CHRNA5: variants seen among roughly 807,000 people sequenced by gnomAD.
CHRNA5 encodes cholinergic receptor nicotinic alpha 5 subunit, also known as neuronal acetylcholine receptor subunit alpha-5.
CHRNA5 carries 28 observed loss-of-function variants against 41.2 expected under a neutral mutation model. That is an observed-to-expected ratio of 0.68 (90% CI 0.50 to 0.93). CHRNA5 has a LOEUF of 0.93. Ranked by LOEUF, CHRNA5 falls within the 40% of genes least tolerant of loss-of-function variation. CHRNA5 has a pLI of 0.00. For synonymous variants in CHRNA5, 188 were observed against 205.8 expected, an observed-to-expected ratio of 0.91 and a Z score of 0.74; for missense variants, 481 against 581.9, an observed-to-expected ratio of 0.83 and a Z score of 1.78.
chr15:78,575,360 T>G (rs957236153), intron 1 of CHRNA5, among the ~76,000 whole-genome samples: 1 of 152,238 alleles, frequency 6.6e-6, no homozygotes, highest in Admixed American at 6.5e-5. Flanking sequence ...TTAACTACTT[T>G]AGAAGAATTA....
At chr15:78,570,983 A>G (rs1318163013) in intron 1 of CHRNA5, among the ~76,000 whole-genome samples, 1 of 152,164 alleles carries the variant, frequency 6.6e-6, no homozygotes, top group Non-Finnish European at 1.5e-5. Flanking sequence ...CACATTTGCT[A>G]CCCCTTGAGA....
intron 1 of CHRNA5, among the ~76,000 whole-genome samples, chr15:78,574,135 CAG>C (rs1221640212): frequency 1.3e-5 from 2 of 151,160 alleles, no homozygotes; most frequent in African/African-American, 2.4e-5. Context: ...TTTAAATCCT[CAG>C]GGGGAGGCCA....
chr15:78,590,568 T>C, exon 5 of CHRNA5: 3 of 1,614,142 alleles, frequency 1.9e-6, no homozygotes, highest in Non-Finnish European at 2.5e-6. Context: ...TAGAAACACA[T>C]TGGAAGCTGC....
At chr15:78,570,550 G>C (rs951237005) in intron 1 of CHRNA5, among the ~76,000 whole-genome samples, 1 of 150,636 alleles carries the variant, frequency 6.6e-6, no homozygotes, top group Admixed American at 6.7e-5. Context: ...GATTACAGGT[G>C]TGAGCCACCA....
intron 2 of CHRNA5, among the ~76,000 whole-genome samples, chr15:78,585,791 C>CCTTTTT (rs1555415937): frequency 1.5e-5 from 2 of 130,612 alleles, no homozygotes; most frequent in African/African-American, 2.9e-5. Flanking sequence ...TCTTTTCTTT[C>CCTTTTT]TTTTTTTTTT....
In CHRNA5 at chr15:78,588,415, G is replaced by C; in HGVS notation, c.405G>C (p.Leu135Phe). The change falls in exon 4 of 6, where the codon TTG becomes TTC. Residue 135 changes from leucine to phenylalanine, a missense_variant. Transcript: ENST00000299565. This position sits in a 1 kb window ranked among gnomAD's most constrained non-coding sequence, Gnocchi z 4.1. The stretch of plus-strand genomic sequence containing the variant: ...CTGTCTGGACACCAGACATCGTTTT[G>C]TTTGATAAGTAAGTTATATTCTAAA... The C allele has an allele frequency of 6.8e-7, 1 of 1,463,022 alleles. No homozygotes were observed. Among genetic ancestry groups the C allele is most frequent in the East Asian group, 2.4e-5 (1 of 42,522 alleles). 90.6% of individuals were successfully genotyped at this position (1,463,022 alleles called of 1,614,324 possible). A position where few individuals can be genotyped will look rare whatever the true frequency, so the allele number is the denominator to read the frequency against.
chr15:78,584,966 C>T (rs1466505544), intron 2 of CHRNA5, among the ~76,000 whole-genome samples: 1 of 152,174 alleles, frequency 6.6e-6, no homozygotes, highest in East Asian at 1.9e-4. Flanking sequence ...GTCGCCTAGG[C>T]TGGAGTGCAG....
In CHRNA5 at chr15:78,588,455, TTCAAA is replaced by T; in HGVS notation, c.413+33_413+37del. On this transcript the variant is annotated intron_variant, in intron 4 of 5. Coordinates refer to ENST00000299565, the Ensembl canonical transcript of CHRNA5. The surrounding 1 kb of genome is among the most constrained non-coding windows in gnomAD (Gnocchi z 4.1). ...TATATTCTAAATATAGTTTTATATT[TTCAAA>T]AGAAAACATTTGTATTTCTATTAGG... 4 of 1,078,028 alleles carry T rather than the reference TTCAAA, an allele frequency of 3.7e-6. No homozygotes were observed. The highest frequency in any genetic ancestry group is 2.6e-6 in the Non-Finnish European group (2 of 763,836). The allele number at this position is 1,078,028 out of a possible 1,614,324, so 66.8% of individuals were successfully genotyped here. A position where few individuals can be genotyped will look rare whatever the true frequency, so the allele number is the denominator to read the frequency against.
chr15:78,570,448 TTA>T (rs1491262645), intron 1 of CHRNA5, among the ~76,000 whole-genome samples: 11 of 144,738 alleles, frequency 7.6e-5, no homozygotes, highest in South Asian at 2.2e-4. Flanking sequence ...TTTTTTTTTT[TTA>T]GTAAAGACAG....
At chr15:78,591,414 A>T (rs2053013457) in intron 5 of CHRNA5, 1 of 151,804 alleles carries the variant, frequency 6.6e-6, no homozygotes, top group South Asian at 2.1e-4. Flanking sequence ...AATGAGCCTA[A>T]TGTGGAATTT....
At chr15:78,585,784 T>TTC (rs1277965296) in intron 2 of CHRNA5, among the ~76,000 whole-genome samples, 33 of 81,466 alleles carry the variant, frequency 4.1e-4, no homozygotes, top group East Asian at 1.2e-3. Flanking sequence ...TTTCTTTTCT[T>TTC]TTCTTTCTTT....
chr15:78,580,897 G>A, exon 2 of CHRNA5: 2 of 1,614,068 alleles, frequency 1.2e-6, no homozygotes, highest in Non-Finnish European at 8.5e-7. Flanking sequence ...GGTTCGTCCT[G>A]TGGAACACCT....
rs1252536259 is a variant in CHRNA5, at chr15:78,590,004, C to A, written c.613C>A (p.Gln205Lys). The change falls in exon 5 of 6, where the codon CAA becomes AAA. Residue 205 changes from glutamine to lysine, a missense_variant. Coordinates refer to ENST00000299565, the Ensembl canonical transcript of CHRNA5. ...ACAGGTTGATATAATTCTAGAGGACCAAGATGTAGACAAGAGAGATTTTTT... is the reference window on the plus strand; with the variant it reads ...ACAGGTTGATATAATTCTAGAGGACAAAGATGTAGACAAGAGAGATTTTTT... The A allele has an allele frequency of 6.2e-7, 1 of 1,613,988 alleles. No homozygotes were observed. The highest frequency in any genetic ancestry group is 1.7e-5 in the Admixed American group (1 of 60,004).
chr15:78,579,174 C>T (rs2052886682), intron 1 of CHRNA5, among the ~76,000 whole-genome samples: 1 of 151,874 alleles, frequency 6.6e-6, no homozygotes, highest in Admixed American at 6.6e-5. Context: ...TACATTGGGC[C>T]CTGTGAATTA....
chr15:78,588,401 C>T lies in CHRNA5; in HGVS notation c.391C>T (p.Pro131Ser), dbSNP rs902937153. Residue 131 changes from proline (P) to serine (S), a missense_variant, in exon 4 of 6, where the codon CCA (proline) becomes TCA (serine). Physicochemically the swap from Pro to Ser is moderately conservative, Grantham distance 74. Coordinates refer to ENST00000299565, the Ensembl canonical transcript of CHRNA5. The surrounding 1 kb of genome is among the most constrained non-coding windows in gnomAD (Gnocchi z 4.1). ...TGTTCCTTCAGACTCTGTCTGGACA[C>T]CAGACATCGTTTTGTTTGATAAGTA... is the stretch of plus-strand genomic sequence containing the variant. 2.5e-5 allele frequency: 38 copies of T among 1,538,158 alleles called. No homozygotes were observed. In the East Asian group the frequency reaches 8.6e-4, roughly 35 times the overall value.
chr15:78,590,298 A>G, exon 5 of CHRNA5: 2 of 1,613,986 alleles, frequency 1.2e-6, no homozygotes, highest in Non-Finnish European at 1.7e-6. Flanking sequence ...TGAAGAGATC[A>G]TACCATCATC....
chr15:78,577,713 G>C (rs562097404), intron 1 of CHRNA5, among the ~76,000 whole-genome samples: 2 of 151,896 alleles, frequency 1.3e-5, no homozygotes, highest in East Asian at 3.9e-4. Context: ...CTAGCAGATC[G>C]CTTGAGCTCA....
exon 2 of CHRNA5, chr15:78,580,928 A>C: frequency 6.2e-7 from 1 of 1,614,110 alleles, no homozygotes; most frequent in African/African-American, 1.3e-5. Context: ...ATAAAAATAA[A>C]ATTTGGACTT....
chr15:78,572,472 T>C (rs1006005974), intron 1 of CHRNA5, among the ~76,000 whole-genome samples: 3 of 152,150 alleles, frequency 2.0e-5, no homozygotes, highest in African/African-American at 7.2e-5. Context: ...TATATAGTTG[T>C]GTTTTTTATT....
Sources: allele counts gnomAD v4.1 joint callset (sites outside exome capture counted in the v4.1 genomes callset), GRCh38; gene constraint gnomAD v4.1.1; non-coding constraint Gnocchi (gnomAD v3.1); transcripts MANE v1.5; gene names NCBI Gene and HGNC (gene_info 2026-07-23, HGNC 2026-07-21).